The following BANK1 variants were observed in gnomAD, a reference collection of about 807,000 sequenced individuals.
BANK1 encodes B-cell scaffold protein with ankyrin repeats.
Under a neutral mutation model 94.5 loss-of-function variants are expected in BANK1, and 95 were observed. The ratio of observed to expected loss-of-function variants is 1.00; its 90% CI spans 0.85 to 1.19. BANK1 has a LOEUF of 1.19. BANK1 is among the 50% of genes most tolerant of loss of function. The pLI is 0.00. For synonymous variants in BANK1, 334 were observed against 308.4 expected (o/e 1.08, Z -0.87); for missense variants, 987 against 932.2 (o/e 1.06, Z -0.77).
chr4:102,011,510 C>A (rs1305939412), intron 7 of BANK1, among the ~76,000 whole-genome samples: 1 of 152,116 alleles, frequency 6.6e-6, no homozygotes, highest in Non-Finnish European at 1.5e-5. Context: ...CAACACCCTT[C>A]GCGCCTTGGG....
intron 11 of BANK1, among the ~76,000 whole-genome samples, chr4:102,057,223 T>G (rs1481322799): frequency 6.7e-6 from 1 of 149,470 alleles, no homozygotes; most frequent in Non-Finnish European, 1.5e-5. Flanking sequence ...TAGTTCTCGC[T>G]CTCTCTCTCT....
At chr4:102,064,814 A>G (rs913065412) in intron 13 of BANK1, among the ~76,000 whole-genome samples, 2 of 152,218 alleles carry the variant, frequency 1.3e-5, no homozygotes, top group African/African-American at 4.8e-5. Context: ...GGTCTCTGCC[A>G]GAGGAATATT....
chr4:101,834,836 T>C (rs2148865317), intron 2 of BANK1, among the ~76,000 whole-genome samples: 1 of 152,244 alleles, frequency 6.6e-6, no homozygotes, highest in East Asian at 1.9e-4. Flanking sequence ...AATATATTAA[T>C]ATAACACAAA....
At position 101,790,738 on chromosome 4, in the gene BANK1, G is replaced by A. The variant is rs1724946856; in HGVS notation, c.-143G>A. 5.6e-6 allele frequency: 5 copies of A among 895,316 alleles called. No individual in the cohort carries two copies. The highest frequency in any genetic ancestry group is 6.9e-6 in the Non-Finnish European group (4 of 575,642). The allele number at this position is 895,316 out of a possible 1,614,324, so 55.5% of individuals were successfully genotyped here. ...CCGGGGCTGCGTTTCCTGAGACCTG[G>A]CCGCAGCCTCCGCGGGTGGCAAGCG... is the stretch of plus-strand genomic sequence containing the variant. On this transcript the variant is annotated 5_prime_UTR_variant, in exon 1 of 17. Transcript: ENST00000322953.
intron 5 of BANK1, among the ~76,000 whole-genome samples, chr4:101,892,768 A>G (rs770844889): frequency 1.3e-5 from 2 of 151,922 alleles, no homozygotes; most frequent in Admixed American, 1.3e-4. Context: ...GGGTTGCACA[A>G]TTTATTATAA....
chr4:102,047,701 G>C (rs1727927853), intron 11 of BANK1, among the ~76,000 whole-genome samples: 1 of 151,838 alleles, frequency 6.6e-6, no homozygotes, highest in Admixed American at 6.6e-5. Flanking sequence ...AATTATGTTA[G>C]AATTAAAGGG....
chr4:101,870,701 A>T (rs1728253750), intron 5 of BANK1, 57 bp downstream of exon 5: 3 of 1,535,598 alleles, frequency 2.0e-6, no homozygotes, highest in Non-Finnish European at 2.6e-6. Flanking sequence ...CTAATGAAGG[A>T]TAAGAGGATT....
chr4:102,059,107 A>T (rs952593344), intron 11 of BANK1, among the ~76,000 whole-genome samples: 43 of 152,172 alleles, frequency 2.8e-4, no homozygotes, highest in African/African-American at 1.0e-3. Flanking sequence ...ACAAATTCTT[A>T]TTACTGTAGA....
At chr4:101,827,030 C>T (rs548639819) in intron 1 of BANK1, among the ~76,000 whole-genome samples, 2 of 151,948 alleles carry the variant, frequency 1.3e-5, no homozygotes, top group South Asian at 2.1e-4. Flanking sequence ...AAGAGTTTGG[C>T]GTTTCACTCT....
chr4:101,909,313 G>A (rs1195978351), intron 6 of BANK1, among the ~76,000 whole-genome samples: 8 of 152,084 alleles, frequency 5.3e-5, no homozygotes, highest in Admixed American at 3.9e-4. Flanking sequence ...AACACTGCAC[G>A]TTCTCACTCA....
At chr4:101,863,025 AC>A (rs1484343746) in intron 4 of BANK1, among the ~76,000 whole-genome samples, 1 of 151,052 alleles carries the variant, frequency 6.6e-6, no homozygotes, top group East Asian at 1.9e-4. Context: ...TTATTAATAA[AC>A]TCTATTTTTT....
At chr4:101,859,199 A>G (rs1727784059) in intron 3 of BANK1, among the ~76,000 whole-genome samples, 1 of 152,226 alleles carries the variant, frequency 6.6e-6, no homozygotes, top group South Asian at 2.1e-4. Flanking sequence ...GCTTGTGTGC[A>G]TTAATGCCTG....
intron 9 of BANK1, among the ~76,000 whole-genome samples, chr4:102,028,454 G>A (rs1005311505): frequency 5.3e-5 from 8 of 152,050 alleles, no homozygotes; most frequent in Admixed American, 2.0e-4. Flanking sequence ...TCTTAATCTC[G>A]CCTCATAATC....
rs1726378135 is a variant in BANK1 at position 102,008,518 on chromosome 4, A to C, written c.1207-12996A>C. 1.3e-5 allele frequency among the ~76,000 whole-genome samples: 2 copies of C among 152,212 alleles called. 1 individual carries two copies. Among genetic ancestry groups the C allele is most frequent in the South Asian group, 4.1e-4 (2 of 4,838 alleles). On this transcript the variant is annotated intron_variant, in intron 7 of 16. Transcript: ENST00000322953. Reference sequence around the variant, plus strand: ...ACAACAAACTCAATTTCATCTAGTGACCATGAACAAATCATTTATCTGTTA... The same window carrying C: ...ACAACAAACTCAATTTCATCTAGTGCCCATGAACAAATCATTTATCTGTTA...
intron 2 of BANK1, among the ~76,000 whole-genome samples, chr4:101,850,416 C>G (rs866751801): frequency 2.0e-5 from 3 of 151,286 alleles, no homozygotes; most frequent in South Asian, 2.1e-4. Context: ...GGATTACAGG[C>G]GTGTGCCATG....
intron 15 of BANK1, among the ~76,000 whole-genome samples, chr4:102,072,841 C>T (rs1728802431): frequency 6.6e-6 from 1 of 152,058 alleles, no homozygotes; most frequent in African/African-American, 2.4e-5. Context: ...AAATAAATTG[C>T]TAACGAGAAG....
intron 1 of BANK1, among the ~76,000 whole-genome samples, chr4:101,817,219 C>T (rs1275997238): frequency 6.6e-6 from 1 of 152,104 alleles, no homozygotes; most frequent in African/African-American, 2.4e-5. Flanking sequence ...TATAAAGACA[C>T]ATGCATATTT....
chr4:101,925,098 G>A (rs1654157352), intron 7 of BANK1, among the ~76,000 whole-genome samples: 1 of 47,596 alleles, frequency 2.1e-5, no homozygotes, highest in African/African-American at 5.4e-5. Context: ...AGGCAGAAGG[G>A]AATCTTGTTT....
chr4:101,875,880 C>T (rs1258595331), intron 5 of BANK1, among the ~76,000 whole-genome samples: 1 of 152,154 alleles, frequency 6.6e-6, no homozygotes, highest in Non-Finnish European at 1.5e-5. Flanking sequence ...TGCCCAGTGA[C>T]AGTGGACTTG....
Sources: allele counts gnomAD v4.1 joint callset (sites outside exome capture counted in the v4.1 genomes callset), GRCh38; gene constraint gnomAD v4.1.1; transcripts MANE v1.5; gene names NCBI Gene and HGNC (gene_info 2026-07-23, HGNC 2026-07-21).